TCF12: variants seen among roughly 807,000 people sequenced by gnomAD.
TCF12 encodes transcription factor 12.
TCF12 carries 45 observed loss-of-function variants against 86.0 expected under a neutral mutation model. The ratio of observed to expected loss-of-function variants is 0.52; its 90% CI spans 0.41 to 0.67. The LOEUF (loss-of-function observed/expected upper bound fraction) is 0.67, where lower values mean the gene tolerates loss of function less well. Ranked by LOEUF, TCF12 falls within the 30% of genes least tolerant of loss-of-function variation. TCF12 has a pLI of 0.00. For synonymous variants in TCF12, 330 were observed against 299.6 expected (o/e 1.10, Z -1.05); for missense variants, 881 against 859.9 (o/e 1.02, Z -0.31).
At chr15:57,073,340 C>G (rs1596391697) in intron 4 of TCF12, among the ~76,000 whole-genome samples, 1 of 152,146 alleles carries the variant, frequency 6.6e-6, no homozygotes, top group African/African-American at 2.4e-5. Flanking sequence ...TTCTTGACAG[C>G]CTGTTTAATA....
At chr15:56,983,025 A>G (rs1156539880) in intron 3 of TCF12, among the ~76,000 whole-genome samples, 3 of 152,244 alleles carry the variant, frequency 2.0e-5, no homozygotes, top group African/African-American at 7.2e-5. Context: ...CAGATGACAT[A>G]TTTGGAAGCA....
At chr15:57,116,564 C>T (rs2050852673) in intron 5 of TCF12, among the ~76,000 whole-genome samples, 1 of 152,040 alleles carries the variant, frequency 6.6e-6, no homozygotes, top group African/African-American at 2.4e-5. Flanking sequence ...CCAGGCTGGT[C>T]TCAAAATCCT....
chr15:57,200,115 C>T (rs574764301), intron 8 of TCF12, among the ~76,000 whole-genome samples: 13 of 149,480 alleles, frequency 8.7e-5, no homozygotes, highest in African/African-American at 3.2e-4. Flanking sequence ...CTCCTGGGCT[C>T]TGTGCTTCTC....
chr15:57,154,947 G>T (rs2054014935), intron 5 of TCF12, among the ~76,000 whole-genome samples: 2 of 152,182 alleles, frequency 1.3e-5, no homozygotes, highest in South Asian at 4.2e-4. Flanking sequence ...ATTACCCCTT[G>T]TTTGTCACTG....
chr15:57,099,525 C>G (rs1186741381), intron 5 of TCF12, among the ~76,000 whole-genome samples: 1 of 151,972 alleles, frequency 6.6e-6, no homozygotes, highest in Non-Finnish European at 1.5e-5. Context: ...ATATTATTCA[C>G]TAGGTCTTAG....
At chr15:56,987,437 A>G (rs756096469) in intron 3 of TCF12, among the ~76,000 whole-genome samples, 1 of 152,146 alleles carries the variant, frequency 6.6e-6, no homozygotes. Context: ...TTTAAATGTT[A>G]CTAACAGAAT....
At chr15:57,191,196 G>A (rs1289935498) in intron 6 of TCF12, among the ~76,000 whole-genome samples, 1 of 152,206 alleles carries the variant, frequency 6.6e-6, no homozygotes, top group Non-Finnish European at 1.5e-5. Context: ...AGCTGCAGTG[G>A]CTCACACCAG....
chr15:57,224,030 T>C (rs1427211165), intron 8 of TCF12, among the ~76,000 whole-genome samples: 1 of 152,018 alleles, frequency 6.6e-6, no homozygotes, highest in East Asian at 1.9e-4. Context: ...TATCTGCGAC[T>C]ATGGTGTGTG....
At chr15:57,168,475 G>C (rs2055066673) in intron 6 of TCF12, among the ~76,000 whole-genome samples, 1 of 152,190 alleles carries the variant, frequency 6.6e-6, no homozygotes, top group Non-Finnish European at 1.5e-5. Context: ...AATATCCATT[G>C]ATGAAAACCA....
chr15:57,007,714 C>T (rs1350851146), intron 3 of TCF12, among the ~76,000 whole-genome samples: 4 of 152,016 alleles, frequency 2.6e-5, no homozygotes, highest in African/African-American at 9.7e-5. Flanking sequence ...TGAGAAATAC[C>T]TTCTGAAAAC....
intron 3 of TCF12, among the ~76,000 whole-genome samples, chr15:57,029,810 A>G (rs199868613): frequency 1.3e-5 from 2 of 148,436 alleles, no homozygotes; most frequent in Non-Finnish European, 3.0e-5. Context: ...GAGACTGCGT[A>G]TAAATGTAAT....
At chr15:57,129,508 C>A (rs1255187846) in intron 5 of TCF12, among the ~76,000 whole-genome samples, 1 of 152,182 alleles carries the variant, frequency 6.6e-6, no homozygotes, top group Non-Finnish European at 1.5e-5. Context: ...ATCTGTGATG[C>A]GCCACTGCAT....
At chr15:57,188,817 C>A (rs2056824927) in intron 6 of TCF12, among the ~76,000 whole-genome samples, 1 of 152,182 alleles carries the variant, frequency 6.6e-6, no homozygotes, top group African/African-American at 2.4e-5. Flanking sequence ...GAGACAGGGT[C>A]TCACTCTGTC....
At chr15:57,138,734 A>C (rs1277242497) in intron 5 of TCF12, among the ~76,000 whole-genome samples, 1 of 152,204 alleles carries the variant, frequency 6.6e-6, no homozygotes, top group Non-Finnish European at 1.5e-5. Flanking sequence ...AGGCCTAACT[A>C]TGTTTATTGG....
At chr15:57,046,939 C>T (rs374886160) in intron 3 of TCF12, among the ~76,000 whole-genome samples, 1 of 152,188 alleles carries the variant, frequency 6.6e-6, no homozygotes, top group Non-Finnish European at 1.5e-5. Context: ...ATCTTTTCCC[C>T]AATCTTGTTG....
intron 3 of TCF12, among the ~76,000 whole-genome samples, chr15:56,974,593 A>G (rs2062508361): frequency 6.6e-6 from 1 of 152,120 alleles, no homozygotes; most frequent in Non-Finnish European, 1.5e-5. Flanking sequence ...TGTGCAAAGT[A>G]CTTCTGTGTA....
At chr15:56,974,201 T>C (rs2062484872) in intron 3 of TCF12, among the ~76,000 whole-genome samples, 1 of 152,116 alleles carries the variant, frequency 6.6e-6, no homozygotes, top group Admixed American at 6.5e-5. Context: ...GAAAATATTC[T>C]TTTTAGGAAA....
chr15:57,038,237 AC>A (rs1297600763), intron 3 of TCF12, among the ~76,000 whole-genome samples: 3 of 151,770 alleles, frequency 2.0e-5, no homozygotes, highest in Non-Finnish European at 2.9e-5. Flanking sequence ...TTTGAGACCA[AC>A]CTGGGCAACA....
intron 3 of TCF12, among the ~76,000 whole-genome samples, chr15:56,971,187 G>A (rs1217291216): frequency 6.6e-6 from 1 of 152,174 alleles, no homozygotes; most frequent in Non-Finnish European, 1.5e-5. Context: ...ACTTTGGGAG[G>A]CCGAGGTGGG....
Sources: allele counts gnomAD v4.1 joint callset (sites outside exome capture counted in the v4.1 genomes callset), GRCh38; gene constraint gnomAD v4.1.1; transcripts MANE v1.5; gene names NCBI Gene and HGNC (gene_info 2026-07-23, HGNC 2026-07-21).